The following KHDRBS2 variants were observed in gnomAD, a reference collection of about 807,000 sequenced individuals.
The protein encoded by KHDRBS2 is KH domain-containing, RNA-binding, signal transduction-associated protein 2.
A neutral mutation model predicts 44.3 loss-of-function variants in KHDRBS2; 26 were observed. That is an observed-to-expected ratio of 0.59 (90% CI 0.43 to 0.81). The LOEUF (loss-of-function observed/expected upper bound fraction) is 0.81, where lower values mean the gene tolerates loss of function less well. Among genes scored for constraint, KHDRBS2 ranks in the 40% least tolerant of loss-of-function variants. The pLI is 0.00. For missense variants in KHDRBS2, 476 were observed against 433.1 expected, an observed-to-expected ratio of 1.10 and a Z score of -0.88; for synonymous variants, 194 against 151.1, an observed-to-expected ratio of 1.28 and a Z score of -2.08.
At chr6:61,612,333 G>A in the KHDRBS2 span, among the ~76,000 whole-genome samples, 2 of 152,180 alleles carry the variant, frequency 1.3e-5, no homozygotes, top group Non-Finnish European at 2.9e-5. Flanking sequence ...GTGGTTGAAA[G>A]AAGATCATAA....
At chr6:62,130,499 A>G (rs1584874489) in intron 2 of KHDRBS2, among the ~76,000 whole-genome samples, 1 of 152,180 alleles carries the variant, frequency 6.6e-6, no homozygotes, top group East Asian at 1.9e-4. Context: ...AAGATAACTA[A>G]TAGGGAAGAT....
Position 61,930,546 on chromosome 6 carries a change from G to GAAAAAAAAAAAAAAAAAAAAAAAAAA in KHDRBS2, c.484-29176_484-29175insTTTTTTTTTTTTTTTTTTTTTTTTTT, listed in dbSNP as rs1439236595. ...CCTAAAAAAAAAAAAAAAAAAAAAA[G>GAAAAAAAAAAAAAAAAAAAAAAAAAA]AAAAAAAAAAAAAAAAAAAAAGGCT... On this transcript the variant is annotated intron_variant, in intron 4 of 8. Transcript: ENST00000281156. Among the ~76,000 whole-genome samples the GAAAAAAAAAAAAAAAAAAAAAAAAAA allele has an allele frequency of 6.3e-5, 3 of 47,570 alleles. 1 individual carries two copies. Among genetic ancestry groups the GAAAAAAAAAAAAAAAAAAAAAAAAAA allele is most frequent in the African/African-American group, 1.3e-4 (2 of 15,688 alleles). 31.2% of individuals were successfully genotyped at this position (47,570 alleles called of 152,430 possible). A position where few individuals can be genotyped will look rare whatever the true frequency, so the allele number is the denominator to read the frequency against.
chr6:61,560,530 T>C, the KHDRBS2 span, among the ~76,000 whole-genome samples: 1 of 152,092 alleles, frequency 6.6e-6, no homozygotes, highest in Non-Finnish European at 1.5e-5. Context: ...GACTGTGTTA[T>C]TTTCAAATAT....
the KHDRBS2 span, among the ~76,000 whole-genome samples, chr6:61,590,824 T>C: frequency 6.6e-6 from 1 of 152,188 alleles, no homozygotes; most frequent in South Asian, 2.1e-4. Context: ...CTTTTGATGA[T>C]TACATATCCA....
the KHDRBS2 span, among the ~76,000 whole-genome samples, chr6:61,547,876 T>C: frequency 6.6e-6 from 1 of 152,146 alleles, no homozygotes; most frequent in African/African-American, 2.4e-5. Context: ...TCTTGAACCA[T>C]ATGATAGTAA....
chr6:61,904,248 C>G (rs1316328482), intron 4 of KHDRBS2, among the ~76,000 whole-genome samples: 3 of 152,028 alleles, frequency 2.0e-5, no homozygotes, highest in Non-Finnish European at 4.4e-5. Context: ...TTTGAATTGC[C>G]CATTTAAATC....
chr6:62,233,062 G>C (rs1373500751), intron 1 of KHDRBS2, among the ~76,000 whole-genome samples: 1 of 152,078 alleles, frequency 6.6e-6, no homozygotes, highest in Non-Finnish European at 1.5e-5. Context: ...TCTCACAGTT[G>C]CTTGGAAAAT....
chr6:62,006,637 T>G (rs536500410), intron 3 of KHDRBS2, among the ~76,000 whole-genome samples: 85 of 151,972 alleles, frequency 5.6e-4, no homozygotes, highest in Non-Finnish European at 1.1e-3. Flanking sequence ...TGCTCATGGG[T>G]GAAATAAAAA....
chr6:61,902,909 C>G (rs1230919386), intron 4 of KHDRBS2, among the ~76,000 whole-genome samples: 1 of 152,136 alleles, frequency 6.6e-6, no homozygotes, highest in East Asian at 1.9e-4. Context: ...GCTCTAGAAA[C>G]TGCCTTGATT....
chr6:61,654,884 G>T, the KHDRBS2 span, among the ~76,000 whole-genome samples: 1 of 151,642 alleles, frequency 6.6e-6, no homozygotes, highest in African/African-American at 2.4e-5. Context: ...GGAAGGCGCA[G>T]GAGGCAAAGT....
At chr6:61,746,758 C>T (rs933451898) in intron 6 of KHDRBS2, among the ~76,000 whole-genome samples, 10 of 151,780 alleles carry the variant, frequency 6.6e-5, no homozygotes, top group African/African-American at 2.4e-4. Flanking sequence ...AATGTAAAAC[C>T]CCAAACCATA....
intron 1 of KHDRBS2, among the ~76,000 whole-genome samples, chr6:62,234,206 A>C (rs1484463648): frequency 6.6e-6 from 1 of 152,132 alleles, no homozygotes; most frequent in East Asian, 1.9e-4. Context: ...AACATCTCCC[A>C]AACTAGCACC....
the KHDRBS2 span, among the ~76,000 whole-genome samples, chr6:61,607,547 A>AAAAAAAAG: frequency 7.1e-6 from 1 of 140,214 alleles, no homozygotes. Context: ...AAAAAAAAAG[A>AAAAAAAAG]TGTGTGAGAA....
the KHDRBS2 span, among the ~76,000 whole-genome samples, chr6:61,569,884 C>A: frequency 6.6e-6 from 1 of 152,152 alleles, no homozygotes; most frequent in Non-Finnish European, 1.5e-5. Context: ...ACGAGAACAC[C>A]ATGCCAAGGA....
intron 1 of KHDRBS2, among the ~76,000 whole-genome samples, chr6:62,212,917 T>A (rs1234064488): frequency 6.6e-6 from 1 of 152,142 alleles, no homozygotes; most frequent in Non-Finnish European, 1.5e-5. Context: ...GCATAACATG[T>A]ACCAGGATCT....
intron 3 of KHDRBS2, among the ~76,000 whole-genome samples, chr6:62,034,089 A>AT (rs1784823507): frequency 6.6e-6 from 1 of 151,930 alleles, no homozygotes; most frequent in Non-Finnish European, 1.5e-5. Context: ...ATTCCTAGAC[A>AT]CAAATAACCT....
chr6:61,862,196 C>T (rs9445539), intron 6 of KHDRBS2, among the ~76,000 whole-genome samples: 53,266 of 151,948 alleles, frequency 0.35, 10,116 homozygotes, highest in African/African-American at 0.5. Flanking sequence ...AGTTTGACTT[C>T]CTCTTTTCCT....
At chr6:62,212,658 T>C (rs764279093) in intron 1 of KHDRBS2, among the ~76,000 whole-genome samples, 43 of 152,148 alleles carry the variant, frequency 2.8e-4, no homozygotes, top group Non-Finnish European at 5.6e-4. Context: ...ATTAGAATGA[T>C]GCAACTACAT....
intron 3 of KHDRBS2, among the ~76,000 whole-genome samples, chr6:61,987,200 A>C (rs1353506313): frequency 6.6e-6 from 1 of 152,206 alleles, no homozygotes; most frequent in Non-Finnish European, 1.5e-5. Flanking sequence ...TAGTTATAAC[A>C]GTAGTAACAC....
Sources: gnomAD v4.1 joint callset for allele counts (sites outside exome capture counted in the v4.1 genomes callset) on GRCh38, gnomAD v4.1.1 for gene constraint, MANE v1.5 for transcripts, NCBI Gene and HGNC (gene_info 2026-07-23, HGNC 2026-07-21) for gene names.